SV2B: variants seen among roughly 807,000 people sequenced by gnomAD.
SV2B encodes the protein solute carrier family 22 member B2.
In SV2B, 41 loss-of-function variants were observed where a neutral mutation model predicts 73.9. The observed-to-expected ratio is 0.56, with a 90% confidence interval of 0.43 to 0.72. The LOEUF (loss-of-function observed/expected upper bound fraction) is 0.72. Ranked by LOEUF, SV2B falls within the 30% of genes least tolerant of loss-of-function variation. SV2B has a pLI of 0.00. For synonymous variants in SV2B, 314 were observed against 314.2 expected, an observed-to-expected ratio of 1.00 and a Z score of 0.01; for missense variants, 764 against 857.8, an observed-to-expected ratio of 0.89 and a Z score of 1.37.
rs2042927156 is a variant in SV2B, at chr15:91,139,074, A to G, written c.-392+38711A>G. On this transcript the variant is annotated intron_variant, in intron 1 of 12. Transcript: ENST00000394232. This position sits in a 1 kb window ranked among gnomAD's most constrained non-coding sequence, Gnocchi z 5.2. ...ACAAAATTATCACTTTTTAGGTGTG[A>G]TAATGGCATACTGATTATTTCAAAA... Among the ~76,000 whole-genome samples, 1 of 152,210 alleles carries G rather than the reference A, an allele frequency of 6.6e-6. No individual in the cohort carries two copies. The highest frequency in any genetic ancestry group is 2.1e-4 in the South Asian group (1 of 4,830).
chr15:91,109,895 C>T (rs906354862), intron 1 of SV2B, among the ~76,000 whole-genome samples: 1 of 152,084 alleles, frequency 6.6e-6, no homozygotes, highest in Non-Finnish European at 1.5e-5. Context: ...CCCACCATAC[C>T]TGGCTAATTT....
At chr15:91,158,534 G>T (rs1377788447) in intron 1 of SV2B, among the ~76,000 whole-genome samples, 1 of 151,756 alleles carries the variant, frequency 6.6e-6, no homozygotes, top group African/African-American at 2.4e-5. Flanking sequence ...ATGTGGCTTT[G>T]TAGTTAGTGA....
intron 1 of SV2B, among the ~76,000 whole-genome samples, chr15:91,170,394 T>A (rs1695097328): frequency 6.6e-6 from 1 of 152,200 alleles, no homozygotes; most frequent in African/African-American, 2.4e-5. Context: ...TTCAAGTGAT[T>A]CTCCTGCCTC....
At position 91,283,920 on chromosome 15, in the gene SV2B, C is replaced by A; in HGVS notation, c.1508-101C>A. On this transcript the variant is annotated intron_variant, in intron 10 of 12. Coordinates refer to ENST00000394232, the MANE Select transcript of SV2B (RefSeq NM_001323032.3). This position sits in a 1 kb window ranked among gnomAD's most constrained non-coding sequence, Gnocchi z 4.3. ...GCTGTCTGACTGGCAAAGGCTGGCA[C>A]AGCCTGCCTACAGGAGGGGGCAGAC... 1 of 1,264,798 alleles carries A rather than the reference C, an allele frequency of 7.9e-7. No homozygotes were observed. Among genetic ancestry groups the A allele is most frequent in the Non-Finnish European group, 1.1e-6 (1 of 882,816 alleles). The allele number at this position is 1,264,798 out of a possible 1,614,324, so 78.3% of individuals were successfully genotyped here.
chr15:91,199,379 C>T (rs1485440371), intron 1 of SV2B, among the ~76,000 whole-genome samples: 3 of 152,002 alleles, frequency 2.0e-5, no homozygotes, highest in African/African-American at 4.8e-5. Context: ...CCAGTGTGCT[C>T]CGGGGACCAG....
Position 91,295,350 on chromosome 15 carries a change from C to G in SV2B, c.*2798C>G, listed in dbSNP as rs986162286. 3 of 152,120 alleles carry G rather than the reference C, an allele frequency of 2.0e-5. No homozygotes were observed. The highest frequency in any genetic ancestry group is 7.2e-5 in the African/African-American group (3 of 41,412). 9.4% of individuals were successfully genotyped at this position (152,120 alleles called of 1,614,324 possible). A position where few individuals can be genotyped will look rare whatever the true frequency, so the allele number is the denominator to read the frequency against. ...GGTCATGTAACAAGTAAACCCCAACCCAGCGTTCCCTCCTACGTTGTGTTA... is the reference window on the plus strand; with the variant it reads ...GGTCATGTAACAAGTAAACCCCAACGCAGCGTTCCCTCCTACGTTGTGTTA... On this transcript the variant is annotated 3_prime_UTR_variant, in exon 13 of 13. Coordinates refer to ENST00000394232, the MANE Select transcript of SV2B (RefSeq NM_001323032.3).
chr15:91,205,132 T>C (rs1038599842), intron 1 of SV2B, among the ~76,000 whole-genome samples: 2 of 152,226 alleles, frequency 1.3e-5, no homozygotes, highest in Non-Finnish European at 2.9e-5. Flanking sequence ...TGTCTCATTT[T>C]CTTCTAGAAA....
intron 1 of SV2B, among the ~76,000 whole-genome samples, chr15:91,127,173 TTC>T (rs2042508801): frequency 1.3e-5 from 2 of 152,340 alleles, no homozygotes; most frequent in African/African-American, 4.8e-5. Context: ...AATGTCAAGC[TTC>T]CAGCTCTGAG....
chr15:91,171,733 C>T (rs376281065), intron 1 of SV2B, among the ~76,000 whole-genome samples: 2 of 152,358 alleles, frequency 1.3e-5, no homozygotes, highest in African/African-American at 4.8e-5. Context: ...AACCCCTATG[C>T]CTAGCCCACA....
intron 1 of SV2B, among the ~76,000 whole-genome samples, chr15:91,181,142 G>A (rs866079614): frequency 1.3e-5 from 2 of 152,204 alleles, no homozygotes; most frequent in Non-Finnish European, 2.9e-5. Context: ...GTCTGTTGGA[G>A]TTTGCCAGAG....
chr15:91,256,469 CATCT>C (rs1247120286), intron 4 of SV2B, among the ~76,000 whole-genome samples: 10 of 152,140 alleles, frequency 6.6e-5, no homozygotes, highest in Non-Finnish European at 1.2e-4. Flanking sequence ...CCTGGTTATC[CATCT>C]GAGTTTGACT....
rs1028636712 is a variant in SV2B, at chr15:91,284,353, C to T, written c.1708+132C>T. 9.9e-7 allele frequency: 1 copy of T among 1,007,574 alleles called. No homozygotes were observed. The highest frequency in any genetic ancestry group is 1.4e-6 in the Non-Finnish European group (1 of 693,018). The allele number at this position is 1,007,574 out of a possible 1,614,324, so 62.4% of individuals were successfully genotyped here. On this transcript the variant is annotated intron_variant, in intron 11 of 12. Coordinates refer to ENST00000394232, the MANE Select transcript of SV2B (RefSeq NM_001323032.3). This position sits in a 1 kb window ranked among gnomAD's most constrained non-coding sequence, Gnocchi z 4.5. ...CAAACCCAACAAGTAAGATTGCACC[C>T]AGGGCTATAGAGCCAAGGATGTGTG...
At chr15:91,243,887 G>C (rs1378666156) in intron 2 of SV2B, among the ~76,000 whole-genome samples, 1 of 152,144 alleles carries the variant, frequency 6.6e-6, no homozygotes, top group Admixed American at 6.6e-5. Context: ...CTTCCAGGAG[G>C]GGCGGTTCTG....
At position 91,252,211 on chromosome 15, in the gene SV2B, G is replaced by A. The variant is rs538491816; in HGVS notation, c.633-158G>A. Among the ~76,000 whole-genome samples the A allele has an allele frequency of 9.2e-5, 14 of 152,228 alleles. No individual in the cohort carries two copies. The highest frequency in any genetic ancestry group is 1.5e-4 in the Non-Finnish European group (10 of 68,040). On this transcript the variant is annotated intron_variant, in intron 3 of 12. Transcript: ENST00000394232. The surrounding 1 kb of genome is among the most constrained non-coding windows in gnomAD (Gnocchi z 4.6). ...TGCAATGTCAAAATAATCCAAGACT[G>A]CTTCCCACATGTAGAGAGGAACTAA...
chr15:91,182,470 T>G (rs1266726548), intron 1 of SV2B, among the ~76,000 whole-genome samples: 1 of 152,234 alleles, frequency 6.6e-6, no homozygotes, highest in Non-Finnish European at 1.5e-5. Context: ...ATTAAGATTA[T>G]GGACCTGAAT....
At position 91,296,935 on chromosome 15, in the gene SV2B, GGA is replaced by G. The variant is rs2049267559; in HGVS notation, c.*4385_*4386del. 1 of 150,012 alleles carries G rather than the reference GGA, an allele frequency of 6.7e-6. No homozygotes were observed. Among genetic ancestry groups the G allele is most frequent in the East Asian group, 2.0e-4 (1 of 4,956 alleles). 9.3% of individuals were successfully genotyped at this position (150,012 alleles called of 1,614,324 possible). On this transcript the variant is annotated 3_prime_UTR_variant, in exon 13 of 13. Coordinates refer to ENST00000394232, the MANE Select transcript of SV2B (RefSeq NM_001323032.3). ...GCATGCTCCTTCTGCCCGATCGTTG[GGA>G]GCACGCTCATTCTGCCCGATTGTTG...
rs983360096 is a variant in SV2B at position 91,300,304 on chromosome 15, A to G, written c.*7752A>G. ...CTTTTTGGTCCATCTGAATCCTGGAAGTCCCCAACTCTACCAGACCAAAAG... is the reference window on the plus strand; with the variant it reads ...CTTTTTGGTCCATCTGAATCCTGGAGGTCCCCAACTCTACCAGACCAAAAG... On this transcript the variant is annotated 3_prime_UTR_variant, in exon 13 of 13. Transcript: ENST00000394232. 3 of 152,134 alleles carry G rather than the reference A, an allele frequency of 2.0e-5. No homozygotes were observed. The highest frequency in any genetic ancestry group is 1.3e-4 in the Admixed American group (2 of 15,272). The allele number at this position is 152,134 out of a possible 1,614,324, so 9.4% of individuals were successfully genotyped here.
rs140489269 is a variant in SV2B at position 91,133,191 on chromosome 15, CT to C, written c.-392+32829del. 1.5e-3 allele frequency among the ~76,000 whole-genome samples: 225 copies of C among 152,250 alleles called. 1 individual carries two copies. The highest frequency in any genetic ancestry group is 2.3e-3 in the Non-Finnish European group (157 of 68,022). On this transcript the variant is annotated intron_variant, in intron 1 of 12. Coordinates refer to ENST00000394232, the MANE Select transcript of SV2B (RefSeq NM_001323032.3). ...ATTTGTAGGAATTAAGCATTTTCTC[CT>C]GCATCTCCTGCCCACAGCACAGACT...
intron 1 of SV2B, among the ~76,000 whole-genome samples, chr15:91,185,160 C>T (rs1303548991): frequency 6.6e-6 from 1 of 152,184 alleles, no homozygotes; most frequent in African/African-American, 2.4e-5. Context: ...CAGCCTTGAC[C>T]TCCCTGGGCT....
Sources: allele counts gnomAD v4.1 joint callset (sites outside exome capture counted in the v4.1 genomes callset), GRCh38; gene constraint gnomAD v4.1.1; non-coding constraint Gnocchi (gnomAD v3.1); transcripts MANE v1.5; gene names NCBI Gene and HGNC (gene_info 2026-07-23, HGNC 2026-07-21).